The following ABHD18 variants were observed in gnomAD, a reference collection of about 807,000 sequenced individuals.
ABHD18 encodes the protein abhydrolase domain containing 18, also known as cardiolipin-specific deacylase, mitochondrial.
Under a neutral mutation model 65.9 loss-of-function variants are expected in ABHD18, and 55 were observed. The observed-to-expected ratio is 0.84, with a 90% CI of 0.67 to 1.05. The LOEUF is 1.05. ABHD18 is among the 50% of genes least tolerant of loss of function. The pLI is 0.00. For synonymous variants in ABHD18, 181 were observed against 180.2 expected (o/e 1.00, Z -0.04); for missense variants, 533 against 558.5 (o/e 0.95, Z 0.46).
At chr4:127,976,129 T>C (rs984172999) in intron 1 of ABHD18, among the ~76,000 whole-genome samples, 1 of 152,024 alleles carries the variant, frequency 6.6e-6, no homozygotes, top group Non-Finnish European at 1.5e-5. Context: ...GTAATTTTAA[T>C]CTAGTGATTT....
chr4:127,984,684 C>T (rs1054264633), intron 3 of ABHD18, among the ~76,000 whole-genome samples: 2 of 152,062 alleles, frequency 1.3e-5, no homozygotes, highest in African/African-American at 2.4e-5. Flanking sequence ...TGGAGAAACC[C>T]CGTCTCTGCT....
chr4:128,027,498 C>T (rs1308580033), intron 10 of ABHD18, among the ~76,000 whole-genome samples: 11 of 151,980 alleles, frequency 7.2e-5, no homozygotes, highest in Non-Finnish European at 1.5e-5. Context: ...CACTGCCTCC[C>T]AGATTTAAGC....
chr4:128,005,985 T>C (rs1753536211), intron 4 of ABHD18, among the ~76,000 whole-genome samples: 1 of 152,172 alleles, frequency 6.6e-6, no homozygotes, highest in South Asian at 2.1e-4. Flanking sequence ...AGAATCTAAC[T>C]ATAGTCTGTC....
intron 3 of ABHD18, among the ~76,000 whole-genome samples, chr4:127,986,552 TGTTTTTA>T (rs555958777): frequency 2.4e-4 from 37 of 152,384 alleles, no homozygotes; most frequent in African/African-American, 6.5e-4. Flanking sequence ...TGTGTGAACA[TGTTTTTA>T]GTTCTCTTGT....
chr4:128,027,038 C>G (rs1757473024), intron 10 of ABHD18, among the ~76,000 whole-genome samples: 1 of 152,094 alleles, frequency 6.6e-6, no homozygotes, highest in African/African-American at 2.4e-5. Context: ...CACCCTTGGC[C>G]TCCCAAAGGG....
chr4:127,967,554 C>CA (rs1361892601), intron 1 of ABHD18, among the ~76,000 whole-genome samples: 2 of 152,134 alleles, frequency 1.3e-5, no homozygotes, highest in African/African-American at 4.8e-5. Context: ...GTGGCTTACT[C>CA]AAGGTCACAC....
chr4:128,002,616 A>G (rs1752864764), intron 4 of ABHD18, among the ~76,000 whole-genome samples: 1 of 151,272 alleles, frequency 6.6e-6, no homozygotes, highest in Non-Finnish European at 1.5e-5. Flanking sequence ...AGAAAAAAAA[A>G]AGAAAGATGT....
chr4:127,990,743 G>T (rs1230203733), intron 4 of ABHD18, among the ~76,000 whole-genome samples: 1 of 152,170 alleles, frequency 6.6e-6, no homozygotes, highest in Non-Finnish European at 1.5e-5. Context: ...ATATCAGTTT[G>T]AGAATGTAAA....
chr4:128,030,335 T>C (rs1758021083), intron 11 of ABHD18, among the ~76,000 whole-genome samples, 175 bp from the exon 12 acceptor site: 1 of 152,234 alleles, frequency 6.6e-6, no homozygotes, highest in African/African-American at 2.4e-5. Context: ...CACAGTATTT[T>C]GTATCATTTT....
At chr4:127,975,921 G>A (rs1345464978) in intron 1 of ABHD18, among the ~76,000 whole-genome samples, 3 of 152,070 alleles carry the variant, frequency 2.0e-5, no homozygotes, top group Non-Finnish European at 4.4e-5. Context: ...CGCCTCCCAG[G>A]TTCAAGTGAT....
intron 3 of ABHD18, among the ~76,000 whole-genome samples, chr4:127,985,571 T>G (rs938004660): frequency 2.6e-5 from 4 of 152,006 alleles, no homozygotes; most frequent in African/African-American, 9.7e-5. Flanking sequence ...TATTAAAAAA[T>G]TATAAACTTA....
At chr4:128,025,731 G>A (rs578069263) in intron 10 of ABHD18, among the ~76,000 whole-genome samples, 1 of 152,300 alleles carries the variant, frequency 6.6e-6, no homozygotes, top group East Asian at 1.9e-4. Context: ...GCAGGAATGT[G>A]TCTTTCTTCA....
intron 10 of ABHD18, among the ~76,000 whole-genome samples, chr4:128,025,665 G>A (rs1757232826): frequency 6.6e-6 from 1 of 152,142 alleles, no homozygotes; most frequent in African/African-American, 2.4e-5. Flanking sequence ...TGAGTCAAGG[G>A]TATAATAATG....
chr4:128,003,261 A>G (rs1185674650), intron 4 of ABHD18, among the ~76,000 whole-genome samples: 1 of 151,642 alleles, frequency 6.6e-6, no homozygotes, highest in East Asian at 2.0e-4. Context: ...CCAGCTACAC[A>G]GGAGGCTGAG....
intron 4 of ABHD18, among the ~76,000 whole-genome samples, chr4:127,991,193 CGTTTTGTTTTGTTTT>C (rs1750858578): frequency 6.6e-6 from 1 of 151,554 alleles, no homozygotes; most frequent in African/African-American, 2.4e-5. Flanking sequence ...TGTTTTGTTT[CGTTTTGTTTTGTTTT>C]TGAGATGGAA....
At chr4:128,011,650 TTC>T in intron 6 of ABHD18, 21 bp from the exon 7 acceptor site, 1 of 1,533,606 alleles carries the variant, frequency 6.5e-7, no homozygotes, top group Non-Finnish European at 8.8e-7. Context: ...TTTTAAAACT[TTC>T]TCTTTGACCC....
intron 4 of ABHD18, among the ~76,000 whole-genome samples, chr4:128,004,777 G>A (rs1393333647): frequency 6.6e-6 from 1 of 151,360 alleles, no homozygotes. Context: ...TGGTTGTGGT[G>A]GTGTGTGCCT....
At chr4:128,019,013 C>CAAAA (rs370222831) in intron 8 of ABHD18, among the ~76,000 whole-genome samples, 1 of 58,350 alleles carries the variant, frequency 1.7e-5, no homozygotes, top group African/African-American at 5.9e-5. Context: ...GACTACATCT[C>CAAAA]AAAAAAAAAA....
At chr4:127,977,722 A>G (rs1431041556) in intron 1 of ABHD18, among the ~76,000 whole-genome samples, 1 of 152,176 alleles carries the variant, frequency 6.6e-6, no homozygotes, top group Non-Finnish European at 1.5e-5. Flanking sequence ...TGATGCATTC[A>G]TTTCCAATTC....
Sources: gnomAD v4.1 joint callset for allele counts (sites outside exome capture counted in the v4.1 genomes callset) on GRCh38, gnomAD v4.1.1 for gene constraint, MANE v1.5 for transcripts, NCBI Gene and HGNC (gene_info 2026-07-23, HGNC 2026-07-21) for gene names.